Variants in SPAG16 observed in about 807,000 individuals in gnomAD.
The protein encoded by SPAG16 is sperm associated antigen 16, also known as sperm-associated antigen 16 protein.
SPAG16 carries 86 observed loss-of-function variants against 80.4 expected under a neutral mutation model. The ratio of observed to expected loss-of-function variants is 1.07; its 90% confidence interval spans 0.90 to 1.28. The LOEUF (loss-of-function observed/expected upper bound fraction) is 1.28, where lower values mean the gene tolerates loss of function less well. Ranked by LOEUF, SPAG16 falls within the 50% of genes most tolerant of loss-of-function variation. SPAG16 has a pLI of 0.00. For synonymous variants in SPAG16, 294 were observed against 265.9 expected (o/e 1.11, Z -1.03); for missense variants, 870 against 765.3 (o/e 1.14, Z -1.61).
intron 13 of SPAG16, among the ~76,000 whole-genome samples, chr2:214,041,978 GTA>G (rs1158447338): frequency 0.11 from 12,986 of 116,050 alleles, 712 homozygotes; most frequent in African/African-American, 0.14. Context: ...GTCTGTGTGT[GTA>G]TATATATATA....
intron 9 of SPAG16, among the ~76,000 whole-genome samples, chr2:213,463,415 G>A (rs1467015915): frequency 3.3e-5 from 5 of 152,238 alleles, no homozygotes; most frequent in Non-Finnish European, 7.3e-5. Flanking sequence ...AGTCTTGGCA[G>A]CCCCTCCCAT....
intron 7 of SPAG16, among the ~76,000 whole-genome samples, chr2:213,363,632 G>A (rs2066118187): frequency 6.6e-6 from 1 of 152,012 alleles, no homozygotes; most frequent in Admixed American, 6.6e-5. Flanking sequence ...TATGTGGGTG[G>A]AAAATGAGCT....
At chr2:213,444,055 T>G (rs1179034869) in intron 9 of SPAG16, among the ~76,000 whole-genome samples, 3 of 152,156 alleles carry the variant, frequency 2.0e-5, no homozygotes, top group East Asian at 1.9e-4. Flanking sequence ...TGTGAATAGA[T>G]CCCCCTGGAA....
chr2:213,946,401 C>G (rs564744063), intron 12 of SPAG16, among the ~76,000 whole-genome samples: 1 of 152,316 alleles, frequency 6.6e-6, no homozygotes, highest in African/African-American at 2.4e-5. Context: ...GCGTGAGCCA[C>G]TGTGCCCGGC....
At chr2:214,081,838 T>G (rs527778332) in intron 13 of SPAG16, among the ~76,000 whole-genome samples, 6 of 20,316 alleles carry the variant, frequency 3.0e-4, no homozygotes, top group African/African-American at 5.3e-4. Context: ...ACTCATTGTA[T>G]TTTTTTTTTT....
chr2:213,958,203 T>C (rs2044243491), intron 12 of SPAG16, among the ~76,000 whole-genome samples: 2 of 152,266 alleles, frequency 1.3e-5, no homozygotes, highest in Non-Finnish European at 2.9e-5. Context: ...GAATTCTAAC[T>C]GATGGGTTTA....
At chr2:213,554,356 G>A (rs1346518269) in intron 10 of SPAG16, among the ~76,000 whole-genome samples, 1 of 152,118 alleles carries the variant, frequency 6.6e-6, no homozygotes, top group Non-Finnish European at 1.5e-5. Context: ...AAGTTCCCTT[G>A]CAACAACCCT....
chr2:214,366,294 G>A (rs796529215), intron 15 of SPAG16, among the ~76,000 whole-genome samples: 9 of 152,262 alleles, frequency 5.9e-5, no homozygotes, highest in African/African-American at 1.7e-4. Context: ...TATTTTTAAA[G>A]GACTCTTACA....
intron 10 of SPAG16, among the ~76,000 whole-genome samples, chr2:213,567,218 C>G (rs2059800212): frequency 8.1e-6 from 1 of 123,510 alleles, no homozygotes; most frequent in South Asian, 2.7e-4. Flanking sequence ...ATTAAAATTA[C>G]TTGTTTGACA....
chr2:214,404,916 T>C (rs538853387), intron 15 of SPAG16, among the ~76,000 whole-genome samples: 9 of 152,282 alleles, frequency 5.9e-5, no homozygotes, highest in Middle Eastern at 3.4e-3. Flanking sequence ...AATGTATGTA[T>C]TTAGAGATTA....
At chr2:214,087,783 G>A (rs1183023099) in intron 13 of SPAG16, among the ~76,000 whole-genome samples, 1 of 152,056 alleles carries the variant, frequency 6.6e-6, no homozygotes, top group African/African-American at 2.4e-5. Context: ...ACCAGACACT[G>A]GGTGCTATAG....
intron 9 of SPAG16, among the ~76,000 whole-genome samples, chr2:213,465,235 A>G (rs186377515): frequency 6.6e-6 from 1 of 152,234 alleles, no homozygotes. Context: ...GCATACTTAG[A>G]ATCAGTATAA....
intron 10 of SPAG16, among the ~76,000 whole-genome samples, chr2:213,673,268 C>T (rs2063894304): frequency 1.3e-5 from 2 of 152,006 alleles, no homozygotes; most frequent in Non-Finnish European, 2.9e-5. Context: ...ATTAATATTT[C>T]TAGAAATAAA....
chr2:213,551,507 G>T (rs1176270448), intron 10 of SPAG16, among the ~76,000 whole-genome samples: 17 of 152,184 alleles, frequency 1.1e-4, no homozygotes, highest in Admixed American at 1.1e-3. Context: ...TATCAGAAAT[G>T]TTCTGGCCTG....
intron 10 of SPAG16, among the ~76,000 whole-genome samples, chr2:213,828,433 T>G (rs2125710692): frequency 6.6e-6 from 1 of 152,338 alleles, no homozygotes; most frequent in East Asian, 1.9e-4. Context: ...CTTTCTGTGT[T>G]ATTTTAAATT....
intron 15 of SPAG16, among the ~76,000 whole-genome samples, chr2:214,251,208 C>T (rs1471690995): frequency 6.6e-6 from 1 of 151,366 alleles, no homozygotes; most frequent in Non-Finnish European, 1.5e-5. Flanking sequence ...CCTGCACACA[C>T]ACTTAAAATT....
intron 10 of SPAG16, among the ~76,000 whole-genome samples, chr2:213,547,580 A>G (rs1419744282): frequency 6.6e-6 from 1 of 152,198 alleles, no homozygotes; most frequent in African/African-American, 2.4e-5. Flanking sequence ...AAATCATGGT[A>G]TACAGAAAGA....
At chr2:213,304,609 C>T (rs1204182153) in intron 3 of SPAG16, among the ~76,000 whole-genome samples, 1 of 152,086 alleles carries the variant, frequency 6.6e-6, no homozygotes, top group East Asian at 1.9e-4. Flanking sequence ...ATCCAGTTTT[C>T]CCATCACCAT....
intron 15 of SPAG16, among the ~76,000 whole-genome samples, chr2:214,153,026 G>T (rs1422823888): frequency 6.6e-6 from 1 of 152,096 alleles, no homozygotes; most frequent in African/African-American, 2.4e-5. Context: ...ATAACTGCGG[G>T]CAAGCCTGAC....
Sources: gnomAD v4.1 joint callset for allele counts (sites outside exome capture counted in the v4.1 genomes callset) on GRCh38, gnomAD v4.1.1 for gene constraint, MANE v1.5 for transcripts, NCBI Gene and HGNC (gene_info 2026-07-23, HGNC 2026-07-21) for gene names.